Variants in BRD1 observed in about 807,000 individuals in gnomAD.
BRD1 encodes bromodomain containing 1.
Under a neutral mutation model 107.7 loss-of-function variants are expected in BRD1, and 24 were observed. The observed-to-expected ratio is 0.22, with a 90% CI of 0.16 to 0.31. BRD1 has a LOEUF of 0.31. Ranked by LOEUF, BRD1 falls within the 10% of genes least tolerant of loss-of-function variation. The pLI is 1.00. For synonymous variants in BRD1, 744 were observed against 686.1 expected, an observed-to-expected ratio of 1.08 and a Z score of -1.32; for missense variants, 1,279 against 1,638.6, an observed-to-expected ratio of 0.78 and a Z score of 3.79.
intron 8 of BRD1, 152 bp from the exon 9 acceptor site, chr22:49,777,965 T>C (rs1212662798): frequency 4.4e-6 from 5 of 1,131,178 alleles, no homozygotes; most frequent in Non-Finnish European, 6.1e-6. Flanking sequence ...TTCCCGAGCA[T>C]AGTCCTTACA....
Position 49,794,044 on chromosome 22 carries a change from C to G in BRD1, c.2349G>C (p.Ala783=). ...EEDGAALGPE[A]GEEGDKSPPK... Reference sequence around the variant, plus strand: ...CTCACCGTGGCTTACCTTCCTCGCCCGCCTCCGGCCCCAGCGCAGCTCCGT... The same window carrying G: ...CTCACCGTGGCTTACCTTCCTCGCCGGCCTCCGGCCCCAGCGCAGCTCCGT... The change falls in exon 7 of 13, where the codon GCG becomes GCC. Residue 783 remains alanine, a synonymous_variant. Coordinates refer to ENST00000404760, the MANE Select transcript of BRD1 (RefSeq NM_001304808.3). 6.2e-7 allele frequency: 1 copy of G among 1,611,520 alleles called. No homozygotes were observed. Among genetic ancestry groups the G allele is most frequent in the Non-Finnish European group, 8.5e-7 (1 of 1,178,508 alleles).
In BRD1 at chr22:49,777,116, T is replaced by A. The variant is rs2059115779; in HGVS notation, c.3039A>T (p.Arg1013=). Residue 1013 remains arginine, a synonymous_variant, in exon 10 of 13, where the codon CGA becomes CGT. Transcript: ENST00000404760. ...CACTGCGGTCCTCCAGCGTGTGCCG[T>A]CGCACAAGAGCCGGTTTGCCCCGCC... The part of the protein sequence containing the change: ...KCGRGKPALV[R]RHTLEDRSEL... 6.2e-6 allele frequency: 10 copies of A among 1,613,316 alleles called. No individual in the cohort carries two copies. The highest frequency in any genetic ancestry group is 8.5e-6 in the Non-Finnish European group (10 of 1,179,986).
At chr22:49,786,805 A>C (rs1266837569) in intron 8 of BRD1, among the ~76,000 whole-genome samples, 1 of 152,218 alleles carries the variant, frequency 6.6e-6, no homozygotes, top group Non-Finnish European at 1.5e-5. Flanking sequence ...ATTCATTCTC[A>C]GTACTTTTTT....
chr22:49,802,751 T>C lies in BRD1; in HGVS notation c.1524+1453A>G, dbSNP rs2059665068. On this transcript the variant is annotated intron_variant, in intron 3 of 12. Transcript: ENST00000404760. ...AGCTTCCCGCCGCTCAGCCACTTCC[T>C]GACTCTGGCCTCTTAAGAGCCCCCC... 2.0e-5 allele frequency among the ~76,000 whole-genome samples: 3 copies of C among 152,270 alleles called. No homozygotes were observed. In the South Asian group the frequency reaches 6.2e-4, roughly 31 times the overall value.
intron 2 of BRD1, among the ~76,000 whole-genome samples, chr22:49,811,499 T>C (rs533995526): frequency 1.3e-5 from 2 of 152,302 alleles, no homozygotes; most frequent in South Asian, 2.1e-4. Flanking sequence ...AGCCTGGATG[T>C]TGGTACCTGC....
At position 49,777,781 on chromosome 22, in the gene BRD1, C is replaced by G. The variant is rs770224322; in HGVS notation, c.2890G>C (p.Glu964Gln). ...CCCAGGCCGCCGCCCGGCTCCTGCT[C>G]GCTCCTCGCACCCCCAAAGCCGTTG... Reference protein sequence around the residue: ...LTNGFGGARSEQEPGGGLGRK... With the variant: ...LTNGFGGARSQQEPGGGLGRK... Residue 964 changes from glutamate (E) to glutamine (Q), a missense_variant, in exon 9 of 13, where the codon GAG (glutamate) becomes CAG (glutamine). Transcript: ENST00000404760. The G allele has an allele frequency of 1.2e-6, 2 of 1,604,124 alleles. No homozygotes were observed. Among genetic ancestry groups the G allele is most frequent in the Non-Finnish European group, 1.7e-6 (2 of 1,177,970 alleles).
intron 4 of BRD1, 43 bp from the exon 5 acceptor site, chr22:49,798,729 T>C (rs1162586605): frequency 1.3e-6 from 2 of 1,526,164 alleles, no homozygotes; most frequent in Admixed American, 2.0e-5. Context: ...GAGCCGCACA[T>C]GCGTCTCAGC....
At chr22:49,784,189 C>T (rs2059274033) in intron 8 of BRD1, among the ~76,000 whole-genome samples, 1 of 149,128 alleles carries the variant, frequency 6.7e-6, no homozygotes, top group South Asian at 2.1e-4. Flanking sequence ...CACACAGAGA[C>T]TCGCAGCAGG....
intron 7 of BRD1, among the ~76,000 whole-genome samples, chr22:49,791,924 T>C (rs1362650878): frequency 6.6e-6 from 1 of 152,178 alleles, no homozygotes; most frequent in Non-Finnish European, 1.5e-5. Context: ...TCAGTCACAT[T>C]GTGTTTTCCT....
At chr22:49,775,869 G>GC (rs965468142) in intron 11 of BRD1, 124 bp from the exon 12 acceptor site, 22,177 of 740,936 alleles carry the variant, frequency 0.03, 459 homozygotes, top group Non-Finnish European at 0.033. Context: ...CCACCCCCAC[G>GC]CCCCCCTCGC....
At chr22:49,818,320 C>T (rs1379885147) in intron 2 of BRD1, 2 of 1,276,162 alleles carry the variant, frequency 1.6e-6, no homozygotes, top group Non-Finnish European at 1.0e-6. Context: ...CAAACCGACA[C>T]AGGCCGTCTG....
At position 49,824,735 on chromosome 22, in the gene BRD1, G is replaced by A; in HGVS notation, c.-14-404C>T. On this transcript the variant is annotated intron_variant, in intron 1 of 12. Transcript: ENST00000404760. This position sits in a 1 kb window ranked among gnomAD's most constrained non-coding sequence, Gnocchi z 5.9. The stretch of plus-strand genomic sequence containing the variant: ...CCCCAGGAAGTCCACATACAGGGCT[G>A]GACCCCACCAGGCACAGAGGCTATG... The A allele has an allele frequency of 9.5e-7, 1 of 1,056,274 alleles. No individual in the cohort carries two copies. Among genetic ancestry groups the A allele is most frequent in the Non-Finnish European group, 1.1e-6 (1 of 872,208 alleles). The allele number at this position is 1,056,274 out of a possible 1,614,324, so 65.4% of individuals were successfully genotyped here.
chr22:49,785,176 T>C (rs1382752705), intron 8 of BRD1, among the ~76,000 whole-genome samples: 2 of 152,122 alleles, frequency 1.3e-5, no homozygotes, highest in African/African-American at 4.8e-5. Flanking sequence ...GCCTGAGAGG[T>C]TGCTGAGGAC....
chr22:49,808,639 T>A (rs1054065373), intron 2 of BRD1, among the ~76,000 whole-genome samples: 6 of 152,230 alleles, frequency 3.9e-5, no homozygotes, highest in Non-Finnish European at 7.3e-5. Context: ...AAGTGCTTCA[T>A]GCCCCTGAGC....
intron 2 of BRD1, among the ~76,000 whole-genome samples, chr22:49,819,099 A>C (rs1452450810): frequency 1.3e-5 from 2 of 151,320 alleles, no homozygotes; most frequent in East Asian, 3.9e-4. Flanking sequence ...CTCTACAAAA[A>C]AAATACAAAA....
In BRD1 at chr22:49,792,130, C is replaced by T. The variant is rs556117631; in HGVS notation, c.2359+1904G>A. Among the ~76,000 whole-genome samples, 5 of 151,860 alleles carry T rather than the reference C, an allele frequency of 3.3e-5. No homozygotes were observed. The highest frequency in any genetic ancestry group is 1.9e-4 in the East Asian group (1 of 5,170). On this transcript the variant is annotated intron_variant, in intron 7 of 12. Transcript: ENST00000404760. The surrounding 1 kb of genome is among the most constrained non-coding windows in gnomAD (Gnocchi z 4.2). The stretch of plus-strand genomic sequence containing the variant: ...TCAGTCCTGTGACCCAATAACCGTG[C>T]GGGGTCCTCAGCCCTGTGACCCAAT...
intron 1 of BRD1, among the ~76,000 whole-genome samples, chr22:49,825,411 G>A (rs537483827): frequency 6.6e-6 from 1 of 152,262 alleles, no homozygotes; most frequent in South Asian, 2.1e-4. Context: ...GGCAAAACCA[G>A]TGAGCTGCCT....
chr22:49,775,540 G>C, intron 12 of BRD1, 51 bp downstream of exon 12: 2 of 1,329,602 alleles, frequency 1.5e-6, no homozygotes, highest in Non-Finnish European at 1.9e-6. Context: ...CCGAGCCCAC[G>C]GCCCCCAACC....
intron 9 of BRD1, 115 bp from the exon 10 acceptor site, chr22:49,777,276 C>A: frequency 6.6e-7 from 1 of 1,508,902 alleles, no homozygotes; most frequent in South Asian, 1.2e-5. Flanking sequence ...GCCTGACACC[C>A]CCGCGGCCAG....
Sources: gnomAD v4.1 joint callset for allele counts (sites outside exome capture counted in the v4.1 genomes callset) on GRCh38, gnomAD v4.1.1 for gene constraint, Gnocchi (gnomAD v3.1) non-coding constraint, MANE v1.5 for transcripts, NCBI Gene and HGNC (gene_info 2026-07-23, HGNC 2026-07-21) for gene names.